SLC27A6: variants seen among roughly 807,000 people sequenced by gnomAD.
The protein encoded by SLC27A6 is solute carrier family 27 member 6, also known as long-chain fatty acid transport protein 6.
In SLC27A6, 74 loss-of-function variants were observed where a neutral mutation model predicts 63.9. That is an observed-to-expected ratio of 1.16 (90% confidence interval 0.96 to 1.40). SLC27A6 has a LOEUF of 1.40. Among genes scored for constraint, SLC27A6 ranks in the 40% most tolerant of loss-of-function variants. The probability of loss-of-function intolerance (pLI) is 0.00; values close to 1 mark genes in which losing one functional copy is unlikely to be tolerated. For missense variants in SLC27A6, 794 were observed against 732.9 expected (o/e 1.08, Z -0.96); for synonymous variants, 287 against 260.8 (o/e 1.10, Z -0.97).
At chr5:128,994,359 A>G (rs1233897062) in intron 4 of SLC27A6, among the ~76,000 whole-genome samples, 3 of 152,172 alleles carry the variant, frequency 2.0e-5, no homozygotes, top group African/African-American at 7.2e-5. Flanking sequence ...GTACTACCTA[A>G]TACCCTTTGT....
chr5:129,027,082 G>A, intron 6 of SLC27A6, 51 bp from the exon 7 acceptor site: 4 of 1,431,120 alleles, frequency 2.8e-6, no homozygotes, highest in Non-Finnish European at 3.9e-6. Flanking sequence ...CATGGTGTGT[G>A]TAACAATAGT....
intron 4 of SLC27A6, among the ~76,000 whole-genome samples, chr5:129,008,630 T>C (rs1751625359): frequency 1.3e-5 from 2 of 152,188 alleles, no homozygotes; most frequent in African/African-American, 4.8e-5. Context: ...GCTAGTTCCA[T>C]GCCAGGCAGG....
At chr5:129,010,003 A>G (rs976723043) in intron 4 of SLC27A6, among the ~76,000 whole-genome samples, 11 of 152,164 alleles carry the variant, frequency 7.2e-5, no homozygotes, top group African/African-American at 2.7e-4. Flanking sequence ...AGATTTAATA[A>G]CATGTTACGT....
chr5:128,966,761 T>A, intron 1 of SLC27A6, 143 bp downstream of exon 1: 1 of 882,814 alleles, frequency 1.1e-6, no homozygotes, highest in Non-Finnish European at 1.5e-6. Context: ...GTTTTATGAT[T>A]CTATGCTGGT....
intron 1 of SLC27A6, among the ~76,000 whole-genome samples, chr5:128,983,583 C>A (rs1750688892): frequency 6.6e-6 from 1 of 152,138 alleles, no homozygotes; most frequent in Admixed American, 6.5e-5. Context: ...GCATGAGCCA[C>A]CGGGCCTGGC....
Position 128,966,076 on chromosome 5 carries a change from C to T in SLC27A6, c.-62C>T, listed in dbSNP as rs538650867. 1 of 1,510,622 alleles carries T rather than the reference C, an allele frequency of 6.6e-7. No homozygotes were observed. Among genetic ancestry groups the T allele is most frequent in the South Asian group, 1.4e-5 (1 of 72,426 alleles). The allele number at this position is 1,510,622 out of a possible 1,614,324, so 93.6% of individuals were successfully genotyped here. On this transcript the variant is annotated 5_prime_UTR_variant, in exon 1 of 10. Coordinates refer to ENST00000262462, the MANE Select transcript of SLC27A6 (RefSeq NM_001017372.3). ...CTGCGGTCTCCGTGGAGAGCTGTGC[C>T]TGGAAGAGAAGGACGCTGGTGGGGG...
At chr5:128,985,598 G>A (rs956047912) in intron 2 of SLC27A6, among the ~76,000 whole-genome samples, 2 of 152,158 alleles carry the variant, frequency 1.3e-5, no homozygotes, top group Non-Finnish European at 2.9e-5. Flanking sequence ...CAAAGGGCAT[G>A]GGAGTATCCA....
At chr5:129,022,579 C>G (rs1331603922) in intron 5 of SLC27A6, among the ~76,000 whole-genome samples, 3 of 152,148 alleles carry the variant, frequency 2.0e-5, no homozygotes, top group Admixed American at 2.0e-4. Flanking sequence ...TTTTATCTCA[C>G]TTCATTTTAT....
intron 1 of SLC27A6, among the ~76,000 whole-genome samples, chr5:128,974,703 A>G (rs1750317716): frequency 6.6e-6 from 1 of 152,222 alleles, no homozygotes; most frequent in African/African-American, 2.4e-5. Context: ...GAGGTAAGCC[A>G]GACAGACCCA....
intron 4 of SLC27A6, among the ~76,000 whole-genome samples, chr5:129,008,350 G>A (rs1392296993): frequency 6.6e-6 from 1 of 152,090 alleles, no homozygotes; most frequent in Non-Finnish European, 1.5e-5. Context: ...GAATTTCTTA[G>A]GATGATTGTT....
At chr5:129,025,613 A>T (rs1752214380) in intron 6 of SLC27A6, among the ~76,000 whole-genome samples, 1 of 152,152 alleles carries the variant, frequency 6.6e-6, no homozygotes, top group Non-Finnish European at 1.5e-5. Context: ...AAACACTCAG[A>T]ATCATGACTA....
intron 4 of SLC27A6, 137 bp downstream of exon 4, chr5:128,990,601 G>C: frequency 1.1e-6 from 1 of 898,656 alleles, no homozygotes; most frequent in Non-Finnish European, 1.6e-6. Flanking sequence ...CAAGATAGTG[G>C]CAGGTGCTAC....
intron 9 of SLC27A6, among the ~76,000 whole-genome samples, chr5:129,031,350 T>C (rs939271851): frequency 6.6e-6 from 1 of 152,050 alleles, no homozygotes; most frequent in Non-Finnish European, 1.5e-5. Flanking sequence ...AGTATTGTAT[T>C]ACAAATCTAT....
At chr5:128,997,022 A>G (rs1422402197) in intron 4 of SLC27A6, among the ~76,000 whole-genome samples, 1 of 152,062 alleles carries the variant, frequency 6.6e-6, no homozygotes, top group Non-Finnish European at 1.5e-5. Context: ...TCACATTTTC[A>G]TGTTCTTAGT....
chr5:128,967,705 T>C (rs887106591), intron 1 of SLC27A6, among the ~76,000 whole-genome samples: 1 of 152,172 alleles, frequency 6.6e-6, no homozygotes, highest in Non-Finnish European at 1.5e-5. Flanking sequence ...TCCTAGTTCT[T>C]TTCAGTTCAA....
At chr5:129,025,602 A>G (rs1456187258) in intron 6 of SLC27A6, among the ~76,000 whole-genome samples, 2 of 152,126 alleles carry the variant, frequency 1.3e-5, no homozygotes, top group Non-Finnish European at 2.9e-5. Flanking sequence ...TTACATATGT[A>G]AAACACTCAG....
At chr5:128,996,392 A>C (rs1278609792) in intron 4 of SLC27A6, among the ~76,000 whole-genome samples, 1 of 152,206 alleles carries the variant, frequency 6.6e-6, no homozygotes, top group Non-Finnish European at 1.5e-5. Flanking sequence ...GATTCTGAAT[A>C]CTTTTGGTAA....
At chr5:129,026,753 A>G (rs1381095900) in intron 6 of SLC27A6, among the ~76,000 whole-genome samples, 1 of 152,154 alleles carries the variant, frequency 6.6e-6, no homozygotes, top group African/African-American at 2.4e-5. Context: ...TGCTATCATT[A>G]TTTTATTAAC....
At chr5:129,002,234 A>C (rs1253947635) in intron 4 of SLC27A6, among the ~76,000 whole-genome samples, 3 of 152,248 alleles carry the variant, frequency 2.0e-5, no homozygotes, top group Non-Finnish European at 4.4e-5. Flanking sequence ...TGGCTTACTC[A>C]ATGTGTGTAT....
Sources: gnomAD v4.1 joint callset for allele counts (sites outside exome capture counted in the v4.1 genomes callset) on GRCh38, gnomAD v4.1.1 for gene constraint, MANE v1.5 for transcripts, NCBI Gene and HGNC (gene_info 2026-07-23, HGNC 2026-07-21) for gene names.